The following OSBPL9 variants were observed in gnomAD, a reference collection of about 807,000 sequenced individuals.
OSBPL9 encodes oxysterol-binding protein-related protein 9.
Under a neutral mutation model 106.6 loss-of-function variants are expected in OSBPL9, and 40 were observed. The observed-to-expected ratio is 0.38, with a 90% CI of 0.29 to 0.49. The LOEUF (loss-of-function observed/expected upper bound fraction) is 0.49, where lower values mean the gene tolerates loss of function less well. Ranked by LOEUF, OSBPL9 falls within the 20% of genes least tolerant of loss-of-function variation. The pLI is 0.97. For missense variants in OSBPL9, 609 were observed against 887.2 expected (o/e 0.69, Z 3.98); for synonymous variants, 269 against 295.4 (o/e 0.91, Z 0.92).
chr1:51,548,879 T>C, the OSBPL9 span, among the ~76,000 whole-genome samples: 1 of 152,176 alleles, frequency 6.6e-6, no homozygotes, highest in African/African-American at 2.4e-5. Flanking sequence ...TGGTAGAGCA[T>C]ACATCTGAGC....
At position 51,742,392 on chromosome 1, in the gene OSBPL9, A is replaced by G. The variant is rs186563119; in HGVS notation, c.319-3144A>G. Reference sequence around the variant, plus strand: ...TCTTTTCAAAGACAGACCACCCTCAATATGGTAAAGGACTATATTCTTAGT... The same window carrying G: ...TCTTTTCAAAGACAGACCACCCTCAGTATGGTAAAGGACTATATTCTTAGT... On this transcript the variant is annotated intron_variant, in intron 4 of 23. Coordinates refer to ENST00000428468, the MANE Select transcript of OSBPL9 (RefSeq NM_024586.6). 4.5e-4 allele frequency among the ~76,000 whole-genome samples: 69 copies of G among 152,162 alleles called. 1 individual carries two copies. Among genetic ancestry groups the G allele is most frequent in the African/African-American group, 1.6e-3 (68 of 41,514 alleles).
intron 3 of OSBPL9, among the ~76,000 whole-genome samples, chr1:51,691,863 C>G (rs1655036548): frequency 6.6e-6 from 1 of 151,912 alleles, no homozygotes; most frequent in Admixed American, 6.6e-5. Context: ...CACATCTTGT[C>G]CCGCTGGAAG....
chr1:51,562,413 T>C, the OSBPL9 span, among the ~76,000 whole-genome samples: 4 of 152,220 alleles, frequency 2.6e-5, no homozygotes, highest in African/African-American at 9.7e-5. Context: ...GCTGCCATGC[T>C]TTCTGTATAG....
At chr1:51,746,662 G>A (rs200058848) in intron 5 of OSBPL9, 48 bp from the exon 6 acceptor site, 36 of 1,342,166 alleles carry the variant, frequency 2.7e-5, no homozygotes, top group East Asian at 7.0e-5. Context: ...AATGTACATC[G>A]TATAGTAAAG....
chr1:51,582,354 G>A (rs1390252619), intron 1 of OSBPL9, among the ~76,000 whole-genome samples: 1 of 152,100 alleles, frequency 6.6e-6, no homozygotes, highest in Non-Finnish European at 1.5e-5. Flanking sequence ...TTGAGACAAA[G>A]TCTCGCTCTG....
chr1:51,586,237 A>G (rs896362457), intron 1 of OSBPL9, among the ~76,000 whole-genome samples: 6 of 152,038 alleles, frequency 3.9e-5, no homozygotes, highest in Non-Finnish European at 5.9e-5. Flanking sequence ...TCATTGTAGA[A>G]AATAATGAAA....
chr1:51,780,085 A>G (rs1675996460), intron 15 of OSBPL9, among the ~76,000 whole-genome samples: 1 of 144,140 alleles, frequency 6.9e-6, no homozygotes, highest in African/African-American at 2.8e-5. Context: ...CTCAAAAAGA[A>G]AAAAAAAAAA....
chr1:51,757,509 A>G (rs761145433), intron 9 of OSBPL9, among the ~76,000 whole-genome samples: 6 of 151,758 alleles, frequency 4.0e-5, no homozygotes, highest in Non-Finnish European at 8.8e-5. Flanking sequence ...CTCAAAGCCA[A>G]ATTAGTTATA....
At chr1:51,597,149 T>G (rs563542904) in intron 1 of OSBPL9, among the ~76,000 whole-genome samples, 1 of 152,178 alleles carries the variant, frequency 6.6e-6, no homozygotes, top group East Asian at 1.9e-4. Context: ...CCAATGTGGC[T>G]TAAGCACAGT....
At chr1:51,642,172 C>T (rs796833482) in intron 1 of OSBPL9, among the ~76,000 whole-genome samples, 7 of 152,160 alleles carry the variant, frequency 4.6e-5, no homozygotes, top group African/African-American at 1.7e-4. Flanking sequence ...GCTGTTGAGG[C>T]ATAGTACATA....
At chr1:51,667,437 G>T (rs1648785890) in intron 2 of OSBPL9, among the ~76,000 whole-genome samples, 2 of 152,036 alleles carry the variant, frequency 1.3e-5, no homozygotes, top group Admixed American at 6.6e-5. Context: ...TACCTATTCT[G>T]GACATTTTTT....
Position 51,634,209 on chromosome 1 carries a change from G to T in OSBPL9, c.111+16988G>T, listed in dbSNP as rs187364186. Among the ~76,000 whole-genome samples, 5 of 152,194 alleles carry T rather than the reference G, an allele frequency of 3.3e-5. No individual in the cohort carries two copies. In the East Asian group the frequency reaches 7.7e-4, roughly 23 times the overall value. ...TATTCTGGGCCCTCTATTAGTCTTT[G>T]CTAAATAGGGAAAAAGGTCCTTGGG... On this transcript the variant is annotated intron_variant, in intron 1 of 23. Transcript: ENST00000428468.
the OSBPL9 span, among the ~76,000 whole-genome samples, chr1:51,533,382 A>C: frequency 2.6e-4 from 39 of 150,810 alleles, no homozygotes; most frequent in Non-Finnish European, 4.9e-4. Context: ...GCTACTCTGG[A>C]GGCTGAGGCA....
At chr1:51,617,015 G>A, upstream of OSBPL9, 1 of 1,487,818 alleles carries the variant, frequency 6.7e-7, no homozygotes, top group Non-Finnish European at 9.0e-7. Context: ...GACCCGCCCA[G>A]GACCCGCCCC....
At chr1:51,595,615 A>C (rs986635344) in intron 1 of OSBPL9, among the ~76,000 whole-genome samples, 2 of 152,140 alleles carry the variant, frequency 1.3e-5, no homozygotes, top group Non-Finnish European at 2.9e-5. Flanking sequence ...GAAGCGAAAG[A>C]CTTGTAAATT....
At chr1:51,637,645 A>G (rs1645533656) in intron 1 of OSBPL9, among the ~76,000 whole-genome samples, 1 of 152,250 alleles carries the variant, frequency 6.6e-6, no homozygotes, top group African/African-American at 2.4e-5. Context: ...TGTTTGACAT[A>G]GTAATATTCA....
chr1:51,731,950 A>G (rs1664560008), intron 4 of OSBPL9, among the ~76,000 whole-genome samples: 1 of 152,224 alleles, frequency 6.6e-6, no homozygotes, highest in Admixed American at 6.5e-5. Flanking sequence ...AAATACGAGG[A>G]TGCAAAGGCT....
Position 51,731,046 on chromosome 1 carries a change from T to TC in OSBPL9, c.319-14483dup, listed in dbSNP as rs969701572. Reference sequence around the variant, plus strand: ...TTATACTTTAAATATATTGCTTTACTCCCCCCCACCTTTTTTTTTTTGTGC... The same window carrying TC: ...TTATACTTTAAATATATTGCTTTACTCCCCCCCCACCTTTTTTTTTTTGTGC... On this transcript the variant is annotated intron_variant, in intron 4 of 23. Coordinates refer to ENST00000428468, the MANE Select transcript of OSBPL9 (RefSeq NM_024586.6). 1.4e-3 allele frequency among the ~76,000 whole-genome samples: 216 copies of TC among 150,446 alleles called. 1 individual carries two copies. Among genetic ancestry groups the TC allele is most frequent in the African/African-American group, 4.8e-3 (197 of 40,922 alleles).
Position 51,787,778 on chromosome 1 carries a change from G to A in OSBPL9, c.2200G>A (p.Ala734Thr). The change falls in exon 24 of 24, where the codon GCC becomes ACC. Residue 734 changes from alanine (A) to threonine (T), a missense_variant. Physicochemically the swap from Ala to Thr is moderately conservative, Grantham distance 58 (BLOSUM62 0). Around this residue, in one of 5 missense-constraint regions of OSBPL9, gnomAD observed 132 missense variants for 158.1 expected, o/e 0.83. Transcript: ENST00000428468. The stretch of plus-strand genomic sequence containing the variant: ...ACCATTACTGAAACGTCTTGGTGCT[G>A]CCAAGCATTAGGTTGGAAGATGCAA... ...DEPLLKRLGAAKH is the reference protein window; with the variant it reads ...DEPLLKRLGATKH 1 of 1,612,674 alleles carries A rather than the reference G, an allele frequency of 6.2e-7. No homozygotes were observed. The highest frequency in any genetic ancestry group is 8.5e-7 in the Non-Finnish European group (1 of 1,179,046).
Sources: gnomAD v4.1 joint callset for allele counts (sites outside exome capture counted in the v4.1 genomes callset) on GRCh38, gnomAD v4.1.1 for gene constraint, gnomAD v4.1.1 regional missense constraint, MANE v1.5 for transcripts, NCBI Gene and HGNC (gene_info 2026-07-23, HGNC 2026-07-21) for gene names.